DCX: variants seen among roughly 807,000 people sequenced by gnomAD.
DCX encodes the protein neuronal migration protein doublecortin.
A neutral mutation model predicts 20.9 loss-of-function variants in DCX; 4 were observed. The ratio of observed to expected loss-of-function variants is 0.19; its 90% CI spans 0.09 to 0.44. The LOEUF (loss-of-function observed/expected upper bound fraction) is 0.44, where lower values mean the gene tolerates loss of function less well. Among genes scored for constraint, DCX ranks in the 20% least tolerant of loss-of-function variants. The pLI is 0.99. For synonymous variants in DCX, 103 were observed against 111.4 expected, an observed-to-expected ratio of 0.92 and a Z score of 0.47; for missense variants, 133 against 296.9, an observed-to-expected ratio of 0.45 and a Z score of 4.06.
chrX:111,401,128 C>T lies in DCX; in HGVS notation c.567G>A (p.Val189=), dbSNP rs768769022. 2.1e-5 allele frequency: 25 copies of T among 1,211,477 alleles called. No individual in the cohort carries two copies. The South Asian group carries it at 3.9e-4, about 19-fold the overall frequency. ...PKLVTIIRSG[V]KPRKAVRVLL... ...GCACACGCACAGCCTTCCGAGGCTT[C>T]ACCCCACTGCGGATGATGGTAACCA... Residue 189 remains valine, a synonymous_variant, in exon 3 of 7, where the codon GTG becomes GTA. Coordinates refer to ENST00000636035, the MANE Select transcript of DCX (RefSeq NM_001195553.2).
intron 3 of DCX, among the ~76,000 whole-genome samples, chrX:111,343,106 C>T (rs558662258): frequency 1.9e-5 from 2 of 104,538 alleles, no homozygotes; most frequent in African/African-American, 7.0e-5. Context: ...AACTCCCCCC[C>T]ACCCCCAAAA....
chrX:111,348,443 G>T (rs1024853192), intron 3 of DCX, among the ~76,000 whole-genome samples: 1 of 111,684 alleles, frequency 9.0e-6, no homozygotes, highest in Admixed American at 9.5e-5. Flanking sequence ...TCCTTATTTT[G>T]TCTTTGCCAT....
chrX:111,327,379 A>T (rs1466149385), intron 5 of DCX, among the ~76,000 whole-genome samples: 2 of 111,712 alleles, frequency 1.8e-5, no homozygotes, highest in East Asian at 5.6e-4. Context: ...GCTAACAGCT[A>T]AAAAAAATTG....
At chrX:111,327,783 C>T (rs185834208) in intron 5 of DCX, among the ~76,000 whole-genome samples, 16 of 112,060 alleles carry the variant, frequency 1.4e-4, no homozygotes, top group African/African-American at 4.5e-4. Context: ...ATGGGTATAG[C>T]AAATCCAAAC....
intron 3 of DCX, among the ~76,000 whole-genome samples, chrX:111,371,286 G>T (rs964027444): frequency 4.5e-5 from 5 of 112,012 alleles, no homozygotes; most frequent in African/African-American, 6.5e-5. Flanking sequence ...CCCCTGAGAG[G>T]CAATCACTGT....
chrX:111,347,084 A>C (rs919905034), intron 3 of DCX, among the ~76,000 whole-genome samples: 1 of 111,629 alleles, frequency 9.0e-6, no homozygotes, highest in Non-Finnish European at 1.9e-5. Flanking sequence ...TACTAAGTTA[A>C]AGTACAAAAA....
intron 2 of DCX, among the ~76,000 whole-genome samples, chrX:111,401,887 G>A (rs1437758578): frequency 1.8e-5 from 2 of 112,185 alleles, no homozygotes; most frequent in African/African-American, 3.2e-5. Flanking sequence ...GTCATCCTTT[G>A]CACAGAGTAT....
At position 111,408,621 on chromosome X, in the gene DCX, AAGAAAGAAAAG is replaced by A. The variant is rs1928402351; in HGVS notation, c.364+1403_364+1413del. ...TGTGAAAGAAAGAAAGGAAGAAAGAAAGAAAGAAAAGAGAAAGAAAGAAAGAAAGAAAGAAA... is the reference window on the plus strand; with the variant it reads ...TGTGAAAGAAAGAAAGGAAGAAAGAAAGAAAGAAAGAAAGAAAGAAAGAAA... On this transcript the variant is annotated intron_variant, in intron 2 of 6. Transcript: ENST00000636035. 2.4e-4 allele frequency among the ~76,000 whole-genome samples: 23 copies of A among 97,745 alleles called. No homozygotes were observed. The South Asian group carries it at 0.011, about 48-fold the overall frequency. The allele number at this position is 97,745 out of a possible 115,157, so 84.9% of individuals were successfully genotyped here.
intron 5 of DCX, among the ~76,000 whole-genome samples, chrX:111,329,927 T>C (rs1176181289): frequency 8.9e-6 from 1 of 112,385 alleles, no homozygotes; most frequent in Non-Finnish European, 1.9e-5. Context: ...ATGACAAATG[T>C]ATAAGTATTT....
intron 3 of DCX, among the ~76,000 whole-genome samples, chrX:111,374,008 G>A (rs1925327132): frequency 8.9e-6 from 1 of 112,076 alleles, no homozygotes; most frequent in Admixed American, 9.5e-5. Flanking sequence ...ACAAGTCCAA[G>A]CTCCTTAAAA....
At chrX:111,307,590 G>A (rs1215677483) in intron 6 of DCX, among the ~76,000 whole-genome samples, 1 of 111,308 alleles carries the variant, frequency 9.0e-6, no homozygotes, top group African/African-American at 3.3e-5. Context: ...TTAAAATTGA[G>A]GAAGATCTTT....
intron 2 of DCX, among the ~76,000 whole-genome samples, chrX:111,404,427 C>A (rs1017925005): frequency 8.9e-6 from 1 of 112,166 alleles, no homozygotes; most frequent in East Asian, 2.8e-4. Context: ...TATGCTAACA[C>A]CCAGTAAAGC....
chrX:111,369,378 T>A (rs773083048), intron 3 of DCX, among the ~76,000 whole-genome samples: 54 of 111,852 alleles, frequency 4.8e-4, no homozygotes, highest in African/African-American at 1.7e-3. Context: ...TTTTAGTATA[T>A]TCTCAAAGTT....
At chrX:111,373,915 T>C (rs1925316177) in intron 3 of DCX, among the ~76,000 whole-genome samples, 1 of 111,745 alleles carries the variant, frequency 8.9e-6, no homozygotes, top group Non-Finnish European at 1.9e-5. Flanking sequence ...ACTTAGAAAC[T>C]TATTTAGAGT....
intron 3 of DCX, among the ~76,000 whole-genome samples, chrX:111,381,234 T>C (rs1348044870): frequency 1.8e-5 from 2 of 110,712 alleles, no homozygotes; most frequent in Non-Finnish European, 3.8e-5. Flanking sequence ...TATATTTATT[T>C]TAGCTAAACT....
At chrX:111,341,373 C>A (rs990987896) in intron 3 of DCX, among the ~76,000 whole-genome samples, 1 of 110,587 alleles carries the variant, frequency 9.0e-6, no homozygotes, top group South Asian at 3.9e-4. Flanking sequence ...TATGGGACTT[C>A]GCAAAAAGAC....
intron 2 of DCX, among the ~76,000 whole-genome samples, chrX:111,404,856 A>G (rs1323884520): frequency 8.9e-6 from 1 of 112,562 alleles, no homozygotes; most frequent in Non-Finnish European, 1.9e-5. Flanking sequence ...CTGCTGCCAG[A>G]GCTCAGTGCC....
intron 2 of DCX, among the ~76,000 whole-genome samples, chrX:111,401,657 G>A (rs767987206): frequency 2.6e-4 from 29 of 112,279 alleles, no homozygotes; most frequent in African/African-American, 9.1e-4. Flanking sequence ...AAACATTTAT[G>A]TTAGTTTCTA....
chrX:111,323,979 T>C (rs943667573), intron 5 of DCX, among the ~76,000 whole-genome samples: 3 of 111,724 alleles, frequency 2.7e-5, no homozygotes, highest in Non-Finnish European at 5.6e-5. Context: ...ACAGTGGGTA[T>C]GCAGGATTAA....
Sources: gnomAD v4.1 joint callset for allele counts (sites outside exome capture counted in the v4.1 genomes callset) on GRCh38, gnomAD v4.1.1 for gene constraint, MANE v1.5 for transcripts, NCBI Gene and HGNC (gene_info 2026-07-23, HGNC 2026-07-21) for gene names.